Variants in DOCK1 observed in about 807,000 individuals in gnomAD.
The protein encoded by DOCK1 is dedicator of cytokinesis 1.
In DOCK1, 138 loss-of-function variants were observed where a neutral mutation model predicts 262.7. The observed-to-expected ratio is 0.53, with a 90% confidence interval of 0.46 to 0.61. The LOEUF (loss-of-function observed/expected upper bound fraction) is 0.61, where lower values mean the gene tolerates loss of function less well. Among genes scored for constraint, DOCK1 ranks in the 20% least tolerant of loss-of-function variants. DOCK1 has a pLI of 0.00. For missense variants in DOCK1, 1,908 were observed against 2,370.7 expected (o/e 0.80, Z 4.05); for synonymous variants, 866 against 867.4 (o/e 1.00, Z 0.03).
chr10:127,451,402 C>T lies in DOCK1; in HGVS notation c.5636C>T (p.Ser1879Leu), dbSNP rs369390395. ...PPPKTTRKQA[S>L]VDSGIVQ ...CCAAAGACAACTCGCAAGCAGGCAT[C>T]GGTGGACTCCGGGATCGTGCAGTGA... Residue 1879 changes from serine (S) to leucine (L), a missense_variant, in exon 52 of 52, where the codon TCG (serine) becomes TTG (leucine). Ser to Leu is a moderately radical substitution (Grantham distance 145). Around this residue, in one of 9 missense-constraint regions of DOCK1, gnomAD observed 383 missense variants for 420.1 expected, o/e 0.91. Coordinates refer to ENST00000623213, the MANE Select transcript of DOCK1 (RefSeq NM_001290223.2). 289 of 1,589,212 alleles carry T rather than the reference C, an allele frequency of 1.8e-4. No homozygotes were observed. The highest frequency in any genetic ancestry group is 2.4e-4 in the Non-Finnish European group (282 of 1,168,158).
intron 1 of DOCK1, among the ~76,000 whole-genome samples, chr10:126,938,335 A>C (rs976402042): frequency 6.6e-6 from 1 of 152,238 alleles, no homozygotes. Flanking sequence ...GGCAAGAGCC[A>C]CTGCGCCCGG....
intron 12 of DOCK1, among the ~76,000 whole-genome samples, chr10:127,017,213 A>G (rs1591668772): frequency 1.3e-5 from 2 of 148,326 alleles, no homozygotes; most frequent in African/African-American, 5.0e-5. Context: ...ACAGATGCAG[A>G]CACCATTAAA....
chr10:127,375,570 G>A (rs553334848), intron 35 of DOCK1, among the ~76,000 whole-genome samples: 30 of 152,306 alleles, frequency 2.0e-4, no homozygotes, highest in African/African-American at 7.0e-4. Context: ...CCAGAGTTGT[G>A]TGGATTAAAA....
chr10:126,977,589 A>T (rs1474674181), intron 2 of DOCK1, among the ~76,000 whole-genome samples: 1 of 152,088 alleles, frequency 6.6e-6, no homozygotes, highest in Non-Finnish European at 1.5e-5. Flanking sequence ...GCAGAGGGAG[A>T]GTGAAGAAAA....
At chr10:127,058,288 A>G (rs1417153) in intron 22 of DOCK1, among the ~76,000 whole-genome samples, 133,904 of 152,040 alleles carry the variant, frequency 0.88, 59,284 homozygotes, top group South Asian at 0.93. Flanking sequence ...TAATCATGAT[A>G]TCTTTCCTGT....
chr10:127,109,473 TCAC>T (rs1477137193), intron 24 of DOCK1, among the ~76,000 whole-genome samples: 1 of 152,226 alleles, frequency 6.6e-6, no homozygotes, highest in African/African-American at 2.4e-5. Flanking sequence ...TGTGCAGTGA[TCAC>T]CAGAGTCCAA....
intron 29 of DOCK1, among the ~76,000 whole-genome samples, chr10:127,269,135 A>G (rs896724829): frequency 4.6e-5 from 7 of 152,240 alleles, no homozygotes; most frequent in African/African-American, 1.7e-4. Context: ...TAGTTTCTTC[A>G]CCCGTAAATT....
intron 11 of DOCK1, among the ~76,000 whole-genome samples, chr10:127,010,040 G>C (rs2041313376): frequency 6.6e-6 from 1 of 152,200 alleles, no homozygotes; most frequent in Non-Finnish European, 1.5e-5. Flanking sequence ...GCGTTATTGA[G>C]CTGGGAGTCA....
chr10:127,421,801 A>G (rs1362223396), intron 46 of DOCK1, among the ~76,000 whole-genome samples: 1 of 152,226 alleles, frequency 6.6e-6, no homozygotes, highest in East Asian at 1.9e-4. Flanking sequence ...GTGTGTCAGA[A>G]CTTCATTCCT....
intron 3 of DOCK1, among the ~76,000 whole-genome samples, chr10:126,980,662 C>T (rs1312508482): frequency 6.6e-6 from 1 of 152,074 alleles, no homozygotes; most frequent in African/African-American, 2.4e-5. Context: ...GCCCCCTGCC[C>T]ACCCCCTGCC....
chr10:127,322,058 A>G (rs3002463), intron 29 of DOCK1, among the ~76,000 whole-genome samples: 75,883 of 151,426 alleles, frequency 0.5, 19,576 homozygotes, highest in African/African-American at 0.63. Flanking sequence ...AGCCGAGATC[A>G]TGCCACTGCA....
At chr10:127,173,171 A>G (rs1253700872) in intron 27 of DOCK1, among the ~76,000 whole-genome samples, 2 of 152,158 alleles carry the variant, frequency 1.3e-5, no homozygotes, top group East Asian at 1.9e-4. Flanking sequence ...CCACTAGTGG[A>G]CATCTACCCA....
At chr10:127,257,222 G>A in intron 28 of DOCK1, 113 bp from the exon 29 acceptor site, 1 of 825,556 alleles carries the variant, frequency 1.2e-6, no homozygotes, top group Middle Eastern at 3.6e-4. Context: ...TACTTTTCAG[G>A]ATGTGTTCAT....
chr10:127,049,722 GA>G lies in DOCK1; in HGVS notation c.2202-2950del, dbSNP rs574302021. ...CAATGAAAATTCTGTATGCTTTTGTGAAAAAAAAATGGACTAATTTGAATAT... is the reference window on the plus strand; with the variant it reads ...CAATGAAAATTCTGTATGCTTTTGTGAAAAAAAATGGACTAATTTGAATAT... On this transcript the variant is annotated intron_variant, in intron 21 of 51. Coordinates refer to ENST00000623213, the MANE Select transcript of DOCK1 (RefSeq NM_001290223.2). Among the ~76,000 whole-genome samples, 1,096 of 148,642 alleles carry G rather than the reference GA, an allele frequency of 7.4e-3. 3 individuals are homozygous for G. Among genetic ancestry groups the G allele is most frequent in the Middle Eastern group, 0.014 (4 of 294 alleles).
At chr10:127,129,676 C>T (rs1394113259) in intron 27 of DOCK1, among the ~76,000 whole-genome samples, 1 of 152,192 alleles carries the variant, frequency 6.6e-6, no homozygotes, top group East Asian at 1.9e-4. Context: ...TCTGCACAGT[C>T]TCAGGAGTGG....
In DOCK1 at chr10:127,404,431, T is replaced by C. The variant is rs765338491; in HGVS notation, c.4122+2T>C. 6 of 1,612,302 alleles carry C rather than the reference T, an allele frequency of 3.7e-6. No individual in the cohort carries two copies. The highest frequency in any genetic ancestry group is 2.5e-6 in the Non-Finnish European group (3 of 1,179,190). The stretch of plus-strand genomic sequence containing the variant: ...CAAGGGTTCCCCACATTCCTGCGGG[T>C]AAAGTTTGGTTCTGCCTAATCTGAG... On this transcript the variant is annotated splice_donor_variant, in intron 40 of 51. Coordinates refer to ENST00000623213, the MANE Select transcript of DOCK1 (RefSeq NM_001290223.2). LOFTEE classifies it high-confidence loss of function.
chr10:127,110,872 AATC>A (rs1447300650), intron 25 of DOCK1, among the ~76,000 whole-genome samples: 2 of 152,112 alleles, frequency 1.3e-5, no homozygotes, highest in African/African-American at 4.8e-5. Context: ...CCTTTTTAGT[AATC>A]ATTTTTTTTC....
chr10:127,314,182 C>T (rs2062174608), intron 29 of DOCK1, among the ~76,000 whole-genome samples: 1 of 152,186 alleles, frequency 6.6e-6, no homozygotes. Flanking sequence ...ATTTTTAGTG[C>T]CTCCTGAAAA....
At chr10:127,038,307 G>A (rs1206787086) in intron 19 of DOCK1, among the ~76,000 whole-genome samples, 1 of 152,112 alleles carries the variant, frequency 6.6e-6, no homozygotes, top group Non-Finnish European at 1.5e-5. Flanking sequence ...TGGTTTGGGG[G>A]GACTCTCTGG....
Sources: gnomAD v4.1 joint callset for allele counts (sites outside exome capture counted in the v4.1 genomes callset) on GRCh38, gnomAD v4.1.1 for gene constraint, gnomAD v4.1.1 regional missense constraint, MANE v1.5 for transcripts, NCBI Gene and HGNC (gene_info 2026-07-23, HGNC 2026-07-21) for gene names.